SH3RF1: variants seen among roughly 807,000 people sequenced by gnomAD.
The protein encoded by SH3RF1 is SH3 domain containing ring finger 1.
A neutral mutation model predicts 74.0 loss-of-function variants in SH3RF1; 32 were observed. That is an observed-to-expected ratio of 0.43 (90% CI 0.33 to 0.58). The LOEUF (loss-of-function observed/expected upper bound fraction) is 0.58. Among genes scored for constraint, SH3RF1 ranks in the 20% least tolerant of loss-of-function variants. SH3RF1 has a pLI of 0.05. For missense variants in SH3RF1, 954 were observed against 1,130.9 expected (o/e 0.84, Z 2.24); for synonymous variants, 396 against 439.6 (o/e 0.90, Z 1.24).
At chr4:169,245,643 A>G (rs1018501397) in intron 2 of SH3RF1, among the ~76,000 whole-genome samples, 1 of 152,232 alleles carries the variant, frequency 6.6e-6, no homozygotes, top group Non-Finnish European at 1.5e-5. Flanking sequence ...TATAGCAATG[A>G]TAGTAAACCT....
rs549403093 is a variant in SH3RF1, at chr4:169,206,562, C to T, written c.394-49883G>A. Among the ~76,000 whole-genome samples, 9 of 152,294 alleles carry T rather than the reference C, an allele frequency of 5.9e-5. No homozygotes were observed. In the South Asian group the frequency reaches 1.9e-3, roughly 32 times the overall value. On this transcript the variant is annotated intron_variant, in intron 2 of 11. Transcript: ENST00000284637. ...CAAAAAAAGTCCATCAAGGGATTCA[C>T]TTTAAATAAGTGAAGTCAAGAAACA... is the stretch of plus-strand genomic sequence containing the variant.
At chr4:169,164,172 T>TA (rs1734194183) in intron 2 of SH3RF1, among the ~76,000 whole-genome samples, 1 of 152,222 alleles carries the variant, frequency 6.6e-6, no homozygotes, top group Admixed American at 6.5e-5. Context: ...TTCTTCCTGC[T>TA]AGACTGTAAC....
chr4:169,170,579 G>T (rs1734311553), intron 2 of SH3RF1, among the ~76,000 whole-genome samples: 2 of 152,068 alleles, frequency 1.3e-5, no homozygotes, highest in South Asian at 4.2e-4. Context: ...TGTTCACCAG[G>T]CTGTGAGCTA....
intron 10 of SH3RF1, among the ~76,000 whole-genome samples, chr4:169,110,716 T>A (rs940422557): frequency 9.9e-5 from 15 of 152,152 alleles, no homozygotes; most frequent in Non-Finnish European, 2.2e-4. Flanking sequence ...GGGCGGGGGA[T>A]TTGAGACACT....
chr4:169,213,050 C>T (rs1730406360), intron 2 of SH3RF1, among the ~76,000 whole-genome samples: 1 of 152,190 alleles, frequency 6.6e-6, no homozygotes, highest in Non-Finnish European at 1.5e-5. Context: ...CTTAGGCAAA[C>T]ACCAAGCAAT....
At chr4:169,182,031 T>A (rs1361073747) in intron 2 of SH3RF1, among the ~76,000 whole-genome samples, 1 of 152,228 alleles carries the variant, frequency 6.6e-6, no homozygotes, top group Non-Finnish European at 1.5e-5. Flanking sequence ...TCTGGAGCTA[T>A]GCCCAGCACA....
chr4:169,103,014 C>T (rs561783595), intron 11 of SH3RF1, among the ~76,000 whole-genome samples: 181 of 149,824 alleles, frequency 1.2e-3, no homozygotes, highest in African/African-American at 4.1e-3. Flanking sequence ...CTCCACCTCC[C>T]GGGTTCAAGC....
chr4:169,118,401 A>G, intron 8 of SH3RF1, among the ~76,000 whole-genome samples: 1 of 152,336 alleles, frequency 6.6e-6, no homozygotes, highest in African/African-American at 2.4e-5. Context: ...TTCTGTTTCT[A>G]AACTCCACAA....
At chr4:169,169,665 A>G (rs1459989411) in intron 2 of SH3RF1, among the ~76,000 whole-genome samples, 1 of 152,202 alleles carries the variant, frequency 6.6e-6, no homozygotes, top group African/African-American at 2.4e-5. Context: ...TTTAAAGGTG[A>G]GAGAAGGAAG....
intron 4 of SH3RF1, among the ~76,000 whole-genome samples, chr4:169,137,826 T>C (rs1733723445): frequency 6.6e-6 from 1 of 152,214 alleles, no homozygotes; most frequent in Non-Finnish European, 1.5e-5. Flanking sequence ...CTTCTACAGA[T>C]GATTGCAAAT....
intron 5 of SH3RF1, among the ~76,000 whole-genome samples, chr4:169,133,621 T>C (rs1389579520): frequency 6.7e-6 from 1 of 149,126 alleles, no homozygotes; most frequent in East Asian, 2.0e-4. Flanking sequence ...CTACTAAAAA[T>C]ATAAAAACTA....
chr4:169,140,841 T>C (rs191539920), intron 4 of SH3RF1, among the ~76,000 whole-genome samples: 3,009 of 152,200 alleles, frequency 0.02, 47 homozygotes, highest in Non-Finnish European at 0.028. Flanking sequence ...ATACAAACAG[T>C]AGATCTGAGA....
chr4:169,219,663 G>C (rs898247082), intron 2 of SH3RF1, among the ~76,000 whole-genome samples: 3 of 152,102 alleles, frequency 2.0e-5, no homozygotes, highest in Non-Finnish European at 4.4e-5. Context: ...GCAGGCAGAG[G>C]GCCAGTAGAC....
intron 2 of SH3RF1, among the ~76,000 whole-genome samples, chr4:169,224,195 G>C (rs1226242162): frequency 6.6e-6 from 1 of 152,190 alleles, no homozygotes; most frequent in African/African-American, 2.4e-5. Flanking sequence ...CACTGAGACA[G>C]ATCCTGTATG....
intron 2 of SH3RF1, among the ~76,000 whole-genome samples, chr4:169,246,058 T>TA (rs1456009864): frequency 3.3e-5 from 5 of 152,340 alleles, no homozygotes; most frequent in African/African-American, 1.2e-4. Context: ...GTGATGGGTA[T>TA]AAAACTACTA....
intron 11 of SH3RF1, among the ~76,000 whole-genome samples, chr4:169,099,133 C>T (rs1732976142): frequency 6.6e-6 from 1 of 152,214 alleles, no homozygotes; most frequent in African/African-American, 2.4e-5. Flanking sequence ...TACTTTGTTG[C>T]CCAGGCTGGT....
At chr4:169,102,832 CT>C (rs1733062212) in intron 11 of SH3RF1, among the ~76,000 whole-genome samples, 1 of 151,068 alleles carries the variant, frequency 6.6e-6, no homozygotes, top group Non-Finnish European at 1.5e-5. Flanking sequence ...AAGGTTCATC[CT>C]TTCTTACTAT....
chr4:169,180,710 TA>T (rs371220815), intron 2 of SH3RF1, among the ~76,000 whole-genome samples: 547 of 152,080 alleles, frequency 3.6e-3, no homozygotes, highest in South Asian at 0.013. Flanking sequence ...GTGAAATCGT[TA>T]AAAAAAATTA....
intron 4 of SH3RF1, among the ~76,000 whole-genome samples, chr4:169,141,248 C>CTTTGTTGTTATACATGTATACATGTA (rs1733780574): frequency 6.6e-6 from 1 of 151,760 alleles, no homozygotes; most frequent in Non-Finnish European, 1.5e-5. Flanking sequence ...ATACATGTAT[C>CTTTGTTGTTATACATGTATACATGTA]TACTTTATTG....
Sources: allele counts gnomAD v4.1 joint callset (sites outside exome capture counted in the v4.1 genomes callset), GRCh38; gene constraint gnomAD v4.1.1; transcripts MANE v1.5; gene names NCBI Gene and HGNC (gene_info 2026-07-23, HGNC 2026-07-21).